The following IQCK variants were observed in gnomAD, a reference collection of about 807,000 sequenced individuals.
The protein encoded by IQCK is IQ motif containing K, also known as IQ domain-containing protein K.
In IQCK, 29 loss-of-function variants were observed where a neutral mutation model predicts 28.1. The observed-to-expected ratio is 1.03, with a 90% CI of 0.77 to 1.41. The LOEUF is 1.41. IQCK is among the 40% of genes most tolerant of loss of function. The probability of loss-of-function intolerance (pLI) is 0.00; values close to 1 mark genes in which losing one functional copy is unlikely to be tolerated. For synonymous variants in IQCK, 113 were observed against 115.1 expected (o/e 0.98, Z 0.12); for missense variants, 359 against 314.7 (o/e 1.14, Z -1.07).
In IQCK at chr16:19,719,770, G is replaced by GT. The variant is rs146791304; in HGVS notation, c.181+1285dup. The stretch of plus-strand genomic sequence containing the variant: ...GCTCACTGCAACCTCCGCCTCCCGG[G>GT]TTCAAGCATTCTCACACCTCAATCT... On this transcript the variant is annotated intron_variant, in intron 1 of 7. Coordinates refer to ENST00000564186, the Ensembl canonical transcript of IQCK. Among the ~76,000 whole-genome samples, 55 of 150,306 alleles carry GT rather than the reference G, an allele frequency of 3.7e-4. No homozygotes were observed. The East Asian group carries it at 0.01, about 28-fold the overall frequency.
intron 1 of IQCK, among the ~76,000 whole-genome samples, chr16:19,719,577 G>A (rs1373614338): frequency 2.7e-5 from 4 of 149,472 alleles, no homozygotes; most frequent in Non-Finnish European, 5.9e-5. Context: ...GTGACAGAGC[G>A]AGACTCCATC....
At chr16:19,770,864 C>G (rs1242039089) in intron 6 of IQCK, among the ~76,000 whole-genome samples, 1 of 152,152 alleles carries the variant, frequency 6.6e-6, no homozygotes, top group Non-Finnish European at 1.5e-5. Flanking sequence ...CTCAAGTGAT[C>G]CACCTGCCTC....
chr16:19,748,996 A>G (rs1387232239), intron 4 of IQCK, among the ~76,000 whole-genome samples: 1 of 152,214 alleles, frequency 6.6e-6, no homozygotes, highest in Non-Finnish European at 1.5e-5. Context: ...AAGAATGAAA[A>G]TGAGGTTTTT....
intron 4 of IQCK, among the ~76,000 whole-genome samples, chr16:19,760,310 T>C (rs893717801): frequency 1.3e-5 from 2 of 152,062 alleles, no homozygotes; most frequent in Non-Finnish European, 2.9e-5. Flanking sequence ...AGAGAATATA[T>C]TGGTTCTTAT....
At chr16:19,830,038 TG>T (rs1191433190), downstream of IQCK, among the ~76,000 whole-genome samples, 1 of 152,096 alleles carries the variant, frequency 6.6e-6, no homozygotes, top group Non-Finnish European at 1.5e-5. Flanking sequence ...AATGAATGAA[TG>T]AATGAATGAA....
chr16:19,820,998 A>G (rs1286024140), intron 7 of IQCK, among the ~76,000 whole-genome samples: 4 of 152,194 alleles, frequency 2.6e-5, no homozygotes, highest in African/African-American at 9.7e-5. Context: ...AGAAGTACAC[A>G]TTTAAACCAC....
intron 4 of IQCK, among the ~76,000 whole-genome samples, chr16:19,748,179 A>G (rs1360082733): frequency 6.6e-6 from 1 of 151,236 alleles, no homozygotes; most frequent in African/African-American, 2.4e-5. Context: ...GGTTCAAGCA[A>G]TTCTGGTGCC....
At chr16:19,822,862 C>T (rs188802751) in intron 7 of IQCK, among the ~76,000 whole-genome samples, 1 of 152,136 alleles carries the variant, frequency 6.6e-6, no homozygotes, top group East Asian at 1.9e-4. Context: ...GTGTATTTGA[C>T]CAAATTTTAA....
At chr16:19,779,875 G>A (rs1236624248) in intron 6 of IQCK, among the ~76,000 whole-genome samples, 3 of 150,620 alleles carry the variant, frequency 2.0e-5, no homozygotes, top group South Asian at 2.1e-4. Flanking sequence ...CTGCCACCAC[G>A]CCTGGCTAAT....
chr16:19,783,143 T>G (rs2055513984), intron 6 of IQCK, among the ~76,000 whole-genome samples: 1 of 151,896 alleles, frequency 6.6e-6, no homozygotes, highest in Non-Finnish European at 1.5e-5. Context: ...GGGTTACAGG[T>G]GTCCGCCACT....
intron 1 of IQCK, among the ~76,000 whole-genome samples, chr16:19,720,037 A>G (rs1056382390): frequency 1.3e-5 from 2 of 152,136 alleles, no homozygotes; most frequent in Admixed American, 6.5e-5. Flanking sequence ...TGGATAGTGC[A>G]GGTCAGTAAA....
intron 7 of IQCK, among the ~76,000 whole-genome samples, chr16:19,813,518 C>T (rs1175671058): frequency 6.6e-6 from 1 of 152,198 alleles, no homozygotes; most frequent in Admixed American, 6.6e-5. Context: ...GTAATGTCTT[C>T]TAATCCAGAC....
At chr16:19,830,994 A>G (rs943482443), downstream of IQCK, among the ~76,000 whole-genome samples, 1 of 152,214 alleles carries the variant, frequency 6.6e-6, no homozygotes, top group Non-Finnish European at 1.5e-5. Context: ...CTTATTCATC[A>G]TGAGCCTGGC....
chr16:19,779,525 A>G (rs2055445521), intron 6 of IQCK, among the ~76,000 whole-genome samples: 1 of 152,112 alleles, frequency 6.6e-6, no homozygotes, highest in African/African-American at 2.4e-5. Flanking sequence ...TTTTCCCACT[A>G]ACCACCACAC....
chr16:19,807,913 A>G lies in IQCK; in HGVS notation c.690+18991A>G, dbSNP rs188294787. ...ATCCATGCATTTTCTCCCTAAGAAT[A>G]TATTCCTGATCATTTCCTGATGATG... On this transcript the variant is annotated intron_variant, in intron 7 of 7. Transcript: ENST00000564186. 5.8e-4 allele frequency among the ~76,000 whole-genome samples: 88 copies of G among 152,248 alleles called. 1 individual carries two copies. Among genetic ancestry groups the G allele is most frequent in the Admixed American group, 5.4e-3 (82 of 15,292 alleles).
intron 9 of IQCK, among the ~76,000 whole-genome samples, chr16:19,855,362 C>T (rs2056545789): frequency 1.3e-5 from 2 of 152,116 alleles, no homozygotes; most frequent in Non-Finnish European, 2.9e-5. Context: ...GAGGCTGAGG[C>T]GGGTGGATCA....
intron 7 of IQCK, among the ~76,000 whole-genome samples, chr16:19,821,704 T>C (rs1210708000): frequency 1.3e-5 from 2 of 151,530 alleles, no homozygotes; most frequent in Non-Finnish European, 2.9e-5. Context: ...AATAAATAAA[T>C]AAACAAACAA....
chr16:19,823,208 T>G (rs11074413), intron 7 of IQCK, among the ~76,000 whole-genome samples: 2,637 of 152,130 alleles, frequency 0.017, 60 homozygotes, highest in African/African-American at 0.06. Flanking sequence ...AGTCCCAAGA[T>G]CCAGTGGTGA....
At chr16:19,833,960 C>T (rs1024676150) in intron 9 of IQCK, among the ~76,000 whole-genome samples, 1 of 152,114 alleles carries the variant, frequency 6.6e-6, no homozygotes, top group East Asian at 1.9e-4. Context: ...TGCTAGCACA[C>T]TCCTGTAGTC....
Sources: allele counts gnomAD v4.1 joint callset (sites outside exome capture counted in the v4.1 genomes callset), GRCh38; gene constraint gnomAD v4.1.1; transcripts MANE v1.5; gene names NCBI Gene and HGNC (gene_info 2026-07-23, HGNC 2026-07-21).